MICALL1: variants seen among roughly 807,000 people sequenced by gnomAD.
MICALL1 encodes the protein MICAL-like protein 1.
In MICALL1, 61 loss-of-function variants were observed where a neutral mutation model predicts 83.7. That is an observed-to-expected ratio of 0.73 (90% CI 0.59 to 0.90). The LOEUF is 0.90. Among genes scored for constraint, MICALL1 ranks in the 40% least tolerant of loss-of-function variants. MICALL1 has a pLI of 0.00. For missense variants in MICALL1, 1,066 were observed against 1,152.0 expected, an observed-to-expected ratio of 0.93 and a Z score of 1.08; for synonymous variants, 481 against 473.6, an observed-to-expected ratio of 1.02 and a Z score of -0.20.
intron 1 of MICALL1, among the ~76,000 whole-genome samples, chr22:37,910,630 C>G (rs1310653479): frequency 1.3e-5 from 2 of 152,208 alleles, no homozygotes; most frequent in African/African-American, 4.8e-5. Context: ...CACCTTGCCT[C>G]TCCCCGTCCA....
chr22:37,909,059 T>G (rs1450875342), intron 1 of MICALL1, among the ~76,000 whole-genome samples: 2 of 151,996 alleles, frequency 1.3e-5, no homozygotes, highest in African/African-American at 2.4e-5. Context: ...TTTTTTTGTT[T>G]TTGTTTTTGT....
At position 37,922,286 on chromosome 22, in the gene MICALL1, GC is replaced by G; in HGVS notation, c.890del (p.Pro297LeufsTer44). The G allele has an allele frequency of 1.3e-6, 2 of 1,561,238 alleles. No individual in the cohort carries two copies. The highest frequency in any genetic ancestry group is 1.7e-6 in the Non-Finnish European group (2 of 1,153,852). On this transcript the variant is annotated frameshift_variant, in exon 6 of 16. Coordinates refer to ENST00000215957, the MANE Select transcript of MICALL1 (RefSeq NM_033386.4). LOFTEE classifies it high-confidence loss of function. ...RVPGKLQELA[S>X]PPAGRPTPAP... ...CCTGGCAAACTACAGGAGCTGGCCA[GC>G]CCCCCTGCGGGCCGCCCCACCCCTG... is the stretch of plus-strand genomic sequence containing the variant.
In MICALL1 at chr22:37,919,135, C is replaced by G. The variant is rs372872100; in HGVS notation, c.526C>G (p.Arg176Gly). The change falls in exon 5 of 16, where the codon CGC becomes GGC. Residue 176 changes from arginine (R) to glycine (G), a missense_variant. By Grantham distance (125) the Arg-to-Gly change is moderately radical. Transcript: ENST00000215957. ...ACQQHVHLVQ[R>G]YLADGRLYHR... ...CCAGCAGCATGTGCACTTGGTGCAGCGCTACCTGGCTGACGGCAGGCTGTA... is the reference window on the plus strand; with the variant it reads ...CCAGCAGCATGTGCACTTGGTGCAGGGCTACCTGGCTGACGGCAGGCTGTA... 2 of 1,549,958 alleles carry G rather than the reference C, an allele frequency of 1.3e-6. No individual in the cohort carries two copies. The highest frequency in any genetic ancestry group is 2.4e-5 in the South Asian group (2 of 83,996).
Position 37,924,569 on chromosome 22 carries a change from G to C in MICALL1, c.1025-91G>C. On this transcript the variant is annotated intron_variant, in intron 6 of 15. Transcript: ENST00000215957. The surrounding 1 kb of genome is among the most constrained non-coding windows in gnomAD (Gnocchi z 5.2). ...GAGGGTGCCAGGAGGAAGGCGGGGCGCTCCTGGGGAGGCAGGTGCTGTGGC... is the reference window on the plus strand; with the variant it reads ...GAGGGTGCCAGGAGGAAGGCGGGGCCCTCCTGGGGAGGCAGGTGCTGTGGC... 4 of 1,273,996 alleles carry C rather than the reference G, an allele frequency of 3.1e-6. No individual in the cohort carries two copies. The highest frequency in any genetic ancestry group is 4.4e-6 in the Non-Finnish European group (4 of 899,420). 78.9% of individuals were successfully genotyped at this position (1,273,996 alleles called of 1,614,324 possible).
At chr22:37,926,070 G>C in intron 8 of MICALL1, 27 bp downstream of exon 8, 1 of 1,558,654 alleles carries the variant, frequency 6.4e-7, no homozygotes, top group South Asian at 1.2e-5. Context: ...GAGCTCTCCT[G>C]ACAGTCGGAA....
chr22:37,911,773 ATGTT>A (rs928153164), intron 1 of MICALL1, among the ~76,000 whole-genome samples, 175 bp from the exon 2 acceptor site: 3 of 151,962 alleles, frequency 2.0e-5, no homozygotes, highest in African/African-American at 7.3e-5. Context: ...CTAGCAGCGA[ATGTT>A]TGCTGCCTCA....
intron 3 of MICALL1, among the ~76,000 whole-genome samples, chr22:37,916,301 G>A (rs901904326): frequency 2.0e-5 from 3 of 152,168 alleles, no homozygotes; most frequent in African/African-American, 7.2e-5. Context: ...TTTCAGCCTC[G>A]CAATGTATTT....
At chr22:37,925,264 G>A (rs893686948) in intron 7 of MICALL1, among the ~76,000 whole-genome samples, 9 of 152,064 alleles carry the variant, frequency 5.9e-5, no homozygotes, top group African/African-American at 1.7e-4. Context: ...CCAGTGCCCC[G>A]CCCAGTGCTG....
At chr22:37,908,166 G>A (rs1391911433) in intron 1 of MICALL1, among the ~76,000 whole-genome samples, 1 of 152,100 alleles carries the variant, frequency 6.6e-6, no homozygotes, top group Non-Finnish European at 1.5e-5. Flanking sequence ...GCTCTCTCCA[G>A]GCATCAGTGT....
rs1229694892 is a variant in MICALL1 at position 37,924,879 on chromosome 22, C to G, written c.1082+162C>G. On this transcript the variant is annotated intron_variant, in intron 7 of 15. Transcript: ENST00000215957. This position sits in a 1 kb window ranked among gnomAD's most constrained non-coding sequence, Gnocchi z 5.2. Reference sequence around the variant, plus strand: ...CACACCCCTTCTCCTGAGGCTCACCCCGGGATTCCTGCGGCCAGTGCCTGG... The same window carrying G: ...CACACCCCTTCTCCTGAGGCTCACCGCGGGATTCCTGCGGCCAGTGCCTGG... Among the ~76,000 whole-genome samples the G allele has an allele frequency of 6.6e-6, 1 of 152,104 alleles. No homozygotes were observed. Among genetic ancestry groups the G allele is most frequent in the East Asian group, 1.9e-4 (1 of 5,182 alleles).
chr22:37,934,636 G>A (rs1028255844), intron 13 of MICALL1, among the ~76,000 whole-genome samples: 16 of 149,946 alleles, frequency 1.1e-4, no homozygotes, highest in Admixed American at 4.7e-4. Flanking sequence ...TCACTCTGTC[G>A]CCCAGGCTGG....
intron 5 of MICALL1, 115 bp downstream of exon 5, chr22:37,919,293 T>C (rs1928877054): frequency 7.9e-7 from 1 of 1,268,848 alleles, no homozygotes. Flanking sequence ...GCCCCTGGCT[T>C]ATCCCCATTT....
intron 12 of MICALL1, 31 bp from the exon 13 acceptor site, chr22:37,933,008 T>C (rs1929885809): frequency 6.2e-7 from 1 of 1,613,692 alleles, no homozygotes; most frequent in Non-Finnish European, 8.5e-7. Context: ...TCGGGCAGAA[T>C]TGTTAAGAGT....
In MICALL1 at chr22:37,924,835, G is replaced by A; in HGVS notation, c.1082+118G>A. 3 of 1,003,584 alleles carry A rather than the reference G, an allele frequency of 3.0e-6. No individual in the cohort carries two copies. The highest frequency in any genetic ancestry group is 2.2e-4 in the Middle Eastern group (1 of 4,490). 62.2% of individuals were successfully genotyped at this position (1,003,584 alleles called of 1,614,324 possible). On this transcript the variant is annotated intron_variant, in intron 7 of 15. Coordinates refer to ENST00000215957, the MANE Select transcript of MICALL1 (RefSeq NM_033386.4). This position sits in a 1 kb window ranked among gnomAD's most constrained non-coding sequence, Gnocchi z 5.2. ...TGGATGGGCAGGGCGGGGCTCAGGA[G>A]GGGAAGGAGAGCTGGGCCCACACCC...
intron 3 of MICALL1, among the ~76,000 whole-genome samples, chr22:37,915,984 A>G (rs747531659): frequency 1.1e-4 from 17 of 152,042 alleles, no homozygotes; most frequent in Non-Finnish European, 1.9e-4. Flanking sequence ...TTCACTGATT[A>G]GCGTTTAGCT....
chr22:37,940,755 C>G lies in MICALL1; in HGVS notation c.2517C>G (p.Phe839Leu). 2 of 1,614,110 alleles carry G rather than the reference C, an allele frequency of 1.2e-6. No homozygotes were observed. Among genetic ancestry groups the G allele is most frequent in the Non-Finnish European group, 1.7e-6 (2 of 1,179,998 alleles). Residue 839 changes from phenylalanine (F) to leucine (L), a missense_variant, in exon 16 of 16, where the codon TTC (phenylalanine) becomes TTG (leucine). Transcript: ENST00000215957. ...CTGAGGGCAAGAAGAAGGGGAAGTT[C>G]AAGACCATGAAGATGTTGAAACTGC... ...AEPEGKKKGK[F>L]KTMKMLKLLG...
chr22:37,922,354 A>C lies in MICALL1; in HGVS notation c.952A>C (p.Thr318Pro), dbSNP rs1016442397. 2.0e-6 allele frequency: 3 copies of C among 1,502,954 alleles called. No individual in the cohort carries two copies. 93.1% of individuals were successfully genotyped at this position (1,502,954 alleles called of 1,614,324 possible). The change falls in exon 6 of 16, where the codon ACG becomes CCG. Residue 318 changes from threonine (T) to proline (P), a missense_variant. Coordinates refer to ENST00000215957, the MANE Select transcript of MICALL1 (RefSeq NM_033386.4). ...TGAGAGCACCACCCCAGCACCCCCC[A>C]CGCCCCGGCCCCGCTCCAGTCTGCA... ...ASESTTPAPP[T>P]PRPRSSLQQE... is the part of the protein sequence containing the mutation.
At chr22:37,928,262 A>C (rs1427978813) in intron 9 of MICALL1, among the ~76,000 whole-genome samples, 5 of 151,508 alleles carry the variant, frequency 3.3e-5, no homozygotes, top group African/African-American at 1.2e-4. Context: ...CCTGGAGTGC[A>C]GTGGTGTGAT....
chr22:37,907,307 T>A (rs1336752984), intron 1 of MICALL1: 1 of 152,232 alleles, frequency 6.6e-6, no homozygotes, highest in Non-Finnish European at 1.5e-5. Context: ...ACCAACCGGG[T>A]GCTGCAGGTT....
Sources: allele counts gnomAD v4.1 joint callset (sites outside exome capture counted in the v4.1 genomes callset), GRCh38; gene constraint gnomAD v4.1.1; non-coding constraint Gnocchi (gnomAD v3.1); transcripts MANE v1.5; gene names NCBI Gene and HGNC (gene_info 2026-07-23, HGNC 2026-07-21).